The following C4orf50 variants were observed in gnomAD, a reference collection of about 807,000 sequenced individuals.
The protein encoded by C4orf50 is uncharacterized protein C4orf50.
In C4orf50, 80 loss-of-function variants were observed where a neutral mutation model predicts 77.2. The observed-to-expected ratio is 1.04, with a 90% confidence interval of 0.87 to 1.25. C4orf50 has a LOEUF of 1.25. C4orf50 is among the 50% of genes most tolerant of loss of function. The probability of loss-of-function intolerance (pLI) is 0.00; values close to 1 mark genes in which losing one functional copy is unlikely to be tolerated. For missense variants in C4orf50, 1,257 were observed against 1,152.9 expected (o/e 1.09, Z -1.31); for synonymous variants, 532 against 465.3 (o/e 1.14, Z -1.84).
At chr4:5,975,995 A>G in intron 29 of C4orf50, 40 bp from the exon 8 acceptor site, 3 of 1,546,692 alleles carry the variant, frequency 1.9e-6, no homozygotes, top group Non-Finnish European at 1.8e-6. Context: ...CTGCACTGTC[A>G]CTTACCACTG....
chr4:5,934,305 G>C (rs4422365), intron 7 of C4orf50, among the ~76,000 whole-genome samples: 1 of 151,934 alleles, frequency 6.6e-6, no homozygotes, highest in East Asian at 1.9e-4. Flanking sequence ...CGCTGTTGTT[G>C]TTCTCTTCCT....
chr4:5,968,489 T>C (rs1282409159), intron 31 of C4orf50, among the ~76,000 whole-genome samples: 3 of 152,158 alleles, frequency 2.0e-5, no homozygotes, highest in Non-Finnish European at 4.4e-5. Flanking sequence ...TCCTGAACGG[T>C]GCTCTTAGAG....
chr4:5,959,660 G>T, intron 33 of C4orf50, 34 bp from the exon 12 acceptor site: 1 of 1,582,202 alleles, frequency 6.3e-7, no homozygotes, highest in Non-Finnish European at 8.6e-7. Context: ...TGGTCTCTGC[G>T]TCCACATGTT....
chr4:5,942,518 G>A (rs891199029), intron 7 of C4orf50, among the ~76,000 whole-genome samples: 1 of 152,228 alleles, frequency 6.6e-6, no homozygotes, highest in African/African-American at 2.4e-5. Flanking sequence ...AAGTAGTGGG[G>A]ATGAGGGAGG....
intron 25 of C4orf50, among the ~76,000 whole-genome samples, chr4:6,004,838 A>ATGGTGATGGTGATGG (rs148218460): frequency 0.19 from 27,812 of 150,078 alleles, 2,735 homozygotes; most frequent in Middle Eastern, 0.25. Flanking sequence ...TGATGATGTG[A>ATGGTGATGGTGATGG]TGGTGATGGT....
chr4:5,912,888 T>C (rs918174656), intron 7 of C4orf50, among the ~76,000 whole-genome samples: 1 of 152,174 alleles, frequency 6.6e-6, no homozygotes, highest in Admixed American at 6.5e-5. Flanking sequence ...GGATGACATG[T>C]GGCAGGGGAA....
chr4:5,940,658 C>A (rs1334065431), intron 7 of C4orf50, among the ~76,000 whole-genome samples: 7 of 152,176 alleles, frequency 4.6e-5, no homozygotes, highest in Non-Finnish European at 8.8e-5. Flanking sequence ...TAATGTGACT[C>A]CCCTGCCCCT....
At chr4:5,972,047 C>T (rs541236689) in intron 31 of C4orf50, among the ~76,000 whole-genome samples, 4 of 151,562 alleles carry the variant, frequency 2.6e-5, no homozygotes, top group African/African-American at 9.7e-5. Flanking sequence ...GCTCTGTCAC[C>T]AGGCTGGAGT....
chr4:5,979,543 TGAG>T (rs1720457385), intron 29 of C4orf50, among the ~76,000 whole-genome samples: 1 of 152,174 alleles, frequency 6.6e-6, no homozygotes, highest in South Asian at 2.1e-4. Context: ...ATGTTAAGGT[TGAG>T]GAGAAGGAAA....
chr4:5,963,000 C>CTTTTTT (rs370272649), intron 33 of C4orf50, among the ~76,000 whole-genome samples: 48 of 146,134 alleles, frequency 3.3e-4, no homozygotes, highest in East Asian at 8.7e-4. Flanking sequence ...TTTTTCTTTT[C>CTTTTTT]TTTTTTTTTT....
intron 28 of C4orf50, among the ~76,000 whole-genome samples, chr4:5,986,314 T>A (rs942709760): frequency 1.3e-5 from 2 of 152,098 alleles, no homozygotes; most frequent in African/African-American, 4.8e-5. Flanking sequence ...CTGACAGCAA[T>A]GAAATAAAAC....
intron 7 of C4orf50, among the ~76,000 whole-genome samples, chr4:5,931,010 T>C (rs558999113): frequency 6.6e-6 from 1 of 152,056 alleles, no homozygotes; most frequent in Non-Finnish European, 1.5e-5. Context: ...ACAGTTCAGG[T>C]CCAGCTGGCA....
chr4:5,973,892 C>T (rs530974769), intron 30 of C4orf50, 51 bp from the exon 9 acceptor site: 1 of 1,464,916 alleles, frequency 6.8e-7, no homozygotes, highest in Admixed American at 2.0e-5. Flanking sequence ...GGCTGCATGG[C>T]TGAGCTGGAG....
intron 7 of C4orf50, among the ~76,000 whole-genome samples, chr4:5,911,729 C>CAAAACA (rs1042595191): frequency 3.3e-5 from 5 of 152,198 alleles, no homozygotes; most frequent in African/African-American, 7.2e-5. Context: ...AACTGGCTCT[C>CAAAACA]AAAACAAAAA....
chr4:5,928,998 C>T (rs1018979259), intron 7 of C4orf50, among the ~76,000 whole-genome samples: 1 of 152,192 alleles, frequency 6.6e-6, no homozygotes, highest in Non-Finnish European at 1.5e-5. Context: ...CATTGTCCCA[C>T]TCATCATTGC....
intron 7 of C4orf50, among the ~76,000 whole-genome samples, chr4:5,930,956 G>A (rs1456265164): frequency 1.3e-5 from 2 of 152,338 alleles, no homozygotes; most frequent in Non-Finnish European, 2.9e-5. Context: ...GGGAGGGACA[G>A]TCCCGGCCAG....
At chr4:5,933,328 G>C (rs1717848415) in intron 7 of C4orf50, among the ~76,000 whole-genome samples, 1 of 152,162 alleles carries the variant, frequency 6.6e-6, no homozygotes, top group East Asian at 1.9e-4. Context: ...ACTGATTCTG[G>C]GAAAAGATCC....
chr4:5,931,862 C>T lies in C4orf50; in HGVS notation c.*2474+25039G>A, dbSNP rs1258623818. On this transcript the variant is annotated intron_variant, in intron 7 of 7. Coordinates refer to the C4orf50 transcript ENST00000324058. ...TCACTGTCTCATTCAATGTCACTTC[C>T]TCCTTCTATTCATTGATTCCAGAAA... 3.3e-5 allele frequency among the ~76,000 whole-genome samples: 5 copies of T among 152,172 alleles called. No homozygotes were observed. In the South Asian group the frequency reaches 1.0e-3, roughly 32 times the overall value.
At chr4:5,959,712 A>C in intron 33 of C4orf50, 86 bp from the exon 12 acceptor site, 1 of 1,478,380 alleles carries the variant, frequency 6.8e-7, no homozygotes, top group Non-Finnish European at 9.1e-7. Flanking sequence ...AAAGGAAGAG[A>C]TGACAGTGAT....
Sources: gnomAD v4.1 joint callset for allele counts (sites outside exome capture counted in the v4.1 genomes callset) on GRCh38, gnomAD v4.1.1 for gene constraint, MANE v1.5 for transcripts, NCBI Gene and HGNC (gene_info 2026-07-23, HGNC 2026-07-21) for gene names.